Variants in SMG6 observed in about 807,000 individuals in gnomAD.
The protein encoded by SMG6 is SMG6 nonsense mediated mRNA decay factor.
Under a neutral mutation model 142.2 loss-of-function variants are expected in SMG6, and 66 were observed. The observed-to-expected ratio is 0.46, with a 90% confidence interval of 0.38 to 0.57. SMG6 has a LOEUF of 0.57. Ranked by LOEUF, SMG6 falls within the 20% of genes least tolerant of loss-of-function variation. The probability of loss-of-function intolerance (pLI) is 0.00; values close to 1 mark genes in which losing one functional copy is unlikely to be tolerated. For synonymous variants in SMG6, 779 were observed against 702.4 expected (o/e 1.11, Z -1.72); for missense variants, 1,793 against 1,832.0 (o/e 0.98, Z 0.39).
chr17:2,088,048 A>G, intron 13 of SMG6: 1 of 985,516 alleles, frequency 1.0e-6, no homozygotes, highest in Non-Finnish European at 1.2e-6. Flanking sequence ...AGGAGTGAGA[A>G]GAGGACAGAG....
rs149985491 is a variant in SMG6, at chr17:2,182,391, C to G, written c.3155+4272G>C. Among the ~76,000 whole-genome samples, 148 of 152,220 alleles carry G rather than the reference C, an allele frequency of 9.7e-4. 3 individuals are homozygous for G. The East Asian group carries it at 0.026, about 27-fold the overall frequency. On this transcript the variant is annotated intron_variant, in intron 12 of 18. Coordinates refer to ENST00000263073, the MANE Select transcript of SMG6 (RefSeq NM_017575.5). ...CATTTTGGAAACCTAGGAGGGCCCACAGATAGGATGCAGAGAACTGTCCGA... is the reference window on the plus strand; with the variant it reads ...CATTTTGGAAACCTAGGAGGGCCCAGAGATAGGATGCAGAGAACTGTCCGA...
rs116921714 is a variant in SMG6, at chr17:2,227,829, A to G, written c.2869+8663T>C. On this transcript the variant is annotated intron_variant, in intron 10 of 18. Transcript: ENST00000263073. ...GTAACCATCAATAGACTCAATGCTT[A>G]TAATAGTCCCAAAGAGAAAACAACC... Among the ~76,000 whole-genome samples, 554 of 152,378 alleles carry G rather than the reference A, an allele frequency of 3.6e-3. 4 individuals carry two copies. Among genetic ancestry groups the G allele is most frequent in the Non-Finnish European group, 6.0e-3 (407 of 68,034 alleles).
At chr17:2,069,771 C>G (rs954125519) in intron 15 of SMG6, among the ~76,000 whole-genome samples, 4 of 152,194 alleles carry the variant, frequency 2.6e-5, no homozygotes, top group Non-Finnish European at 2.9e-5. Context: ...ACACCCAGGT[C>G]GATCACAATG....
chr17:2,081,813 G>T lies in SMG6; in HGVS notation c.3678C>A (p.Ile1226=), dbSNP rs769359053. 6.2e-6 allele frequency: 10 copies of T among 1,613,230 alleles called. No individual in the cohort carries two copies. The highest frequency in any genetic ancestry group is 6.8e-6 in the Non-Finnish European group (8 of 1,180,036). Residue 1226 remains isoleucine (I), a synonymous_variant, in exon 15 of 19, where the codon ATC becomes ATA. Transcript: ENST00000263073. ...ACGCTCCCCAGGCCGACTTCACCTG[G>T]ATCTTTTCCTGGCGACGCTGCTGCT... ...IAEQQRRQEK[I]QAVLEDHSQM...
chr17:2,161,853 A>T (rs2071189286), intron 13 of SMG6, among the ~76,000 whole-genome samples: 1 of 152,222 alleles, frequency 6.6e-6, no homozygotes, highest in South Asian at 2.1e-4. Flanking sequence ...CAGTCTGAGC[A>T]TTCTATTCCA....
intron 6 of SMG6, 97 bp downstream of exon 6, chr17:2,292,455 T>G: frequency 6.8e-6 from 8 of 1,173,316 alleles, no homozygotes; most frequent in South Asian, 1.3e-5. Flanking sequence ...GCTACAGTGA[T>G]GAGATGAAAT....
chr17:2,161,654 G>A (rs1007053181), intron 13 of SMG6, among the ~76,000 whole-genome samples: 1 of 151,254 alleles, frequency 6.6e-6, no homozygotes, highest in African/African-American at 2.4e-5. Flanking sequence ...CCTCCTAAAT[G>A]ATGTAGATAA....
chr17:2,232,786 T>C (rs536720922), intron 10 of SMG6: 1 of 152,280 alleles, frequency 6.6e-6, no homozygotes, highest in Non-Finnish European at 1.5e-5. Context: ...TAATGTGGCA[T>C]TACTCAACTT....
chr17:2,226,307 G>A (rs778401739), intron 10 of SMG6, among the ~76,000 whole-genome samples: 35 of 150,430 alleles, frequency 2.3e-4, no homozygotes, highest in Non-Finnish European at 2.2e-4. Flanking sequence ...AAAAAGAGCC[G>A]GGCGTAGTGG....
intron 8 of SMG6, among the ~76,000 whole-genome samples, chr17:2,260,065 T>C (rs1043530918): frequency 6.6e-6 from 1 of 152,188 alleles, no homozygotes. Flanking sequence ...AAATGGTCAT[T>C]CAGGTTTGGA....
intron 6 of SMG6, 110 bp downstream of exon 6, chr17:2,292,442 T>C: frequency 9.5e-7 from 1 of 1,054,160 alleles, no homozygotes; most frequent in Non-Finnish European, 1.4e-6. Context: ...GGATATTCTT[T>C]GGGCTACAGT....
chr17:2,146,675 C>T (rs1461690337), intron 13 of SMG6, among the ~76,000 whole-genome samples: 2 of 152,146 alleles, frequency 1.3e-5, no homozygotes, highest in African/African-American at 2.4e-5. Context: ...AAGTGATCTG[C>T]CCACTTCAGC....
At chr17:2,235,173 A>G (rs1002771841) in intron 10 of SMG6, among the ~76,000 whole-genome samples, 1 of 152,192 alleles carries the variant, frequency 6.6e-6, no homozygotes, top group African/African-American at 2.4e-5. Flanking sequence ...CCACTTAAGA[A>G]TCGATGCTTC....
In SMG6 at chr17:2,222,729, G is replaced by A. The variant is rs967169880; in HGVS notation, c.2869+13763C>T. ...ACGAGAGAGGTAAGGGGTACAAAAA[G>A]AGACCACTTAGGAGTTTCAAGACTT... On this transcript the variant is annotated intron_variant, in intron 10 of 18. Coordinates refer to ENST00000263073, the MANE Select transcript of SMG6 (RefSeq NM_017575.5). Among the ~76,000 whole-genome samples, 6 of 152,132 alleles carry A rather than the reference G, an allele frequency of 3.9e-5. No individual in the cohort carries two copies. The South Asian group carries it at 1.0e-3, about 26-fold the overall frequency.
chr17:2,266,435 T>C (rs1034212029), intron 8 of SMG6, among the ~76,000 whole-genome samples: 1 of 152,132 alleles, frequency 6.6e-6, no homozygotes, highest in African/African-American at 2.4e-5. Context: ...AATGGGAAGG[T>C]ACACCATTTA....
chr17:2,161,814 C>G (rs1327205388), intron 13 of SMG6, among the ~76,000 whole-genome samples: 3 of 152,088 alleles, frequency 2.0e-5, no homozygotes, highest in Admixed American at 2.0e-4. Flanking sequence ...GAAGAACATT[C>G]AATCCAGAGG....
At chr17:2,082,509 G>A (rs1264941104) in intron 14 of SMG6, among the ~76,000 whole-genome samples, 1 of 152,210 alleles carries the variant, frequency 6.6e-6, no homozygotes, top group African/African-American at 2.4e-5. Context: ...CTCCAGCCTG[G>A]TGGTGTGAGG....
At chr17:2,191,159 G>A (rs954429215) in intron 10 of SMG6, among the ~76,000 whole-genome samples, 1 of 152,222 alleles carries the variant, frequency 6.6e-6, no homozygotes, top group African/African-American at 2.4e-5. Context: ...ATTTATCCAA[G>A]TATCCACGGC....
rs137944578 is a variant in SMG6 at position 2,134,289 on chromosome 17, A to G, written c.3357+38369T>C. On this transcript the variant is annotated intron_variant, in intron 13 of 18. Coordinates refer to ENST00000263073, the MANE Select transcript of SMG6 (RefSeq NM_017575.5). ...AAAAACTAGCTGGGCATGGTGGTGCACGCCTGTAATCCCAGCAATTTGGGA... is the reference window on the plus strand; with the variant it reads ...AAAAACTAGCTGGGCATGGTGGTGCGCGCCTGTAATCCCAGCAATTTGGGA... Among the ~76,000 whole-genome samples, 408 of 151,938 alleles carry G rather than the reference A, an allele frequency of 2.7e-3. 1 individual carries two copies. The highest frequency in any genetic ancestry group is 4.3e-3 in the Admixed American group (65 of 15,220).
Sources: gnomAD v4.1 joint callset for allele counts (sites outside exome capture counted in the v4.1 genomes callset) on GRCh38, gnomAD v4.1.1 for gene constraint, MANE v1.5 for transcripts, NCBI Gene and HGNC (gene_info 2026-07-23, HGNC 2026-07-21) for gene names.